Variants in NPSR1 observed in about 807,000 individuals in gnomAD.
NPSR1 encodes neuropeptide S receptor.
In NPSR1, 48 loss-of-function variants were observed where a neutral mutation model predicts 46.9. That is an observed-to-expected ratio of 1.02 (90% confidence interval 0.81 to 1.30). The LOEUF (loss-of-function observed/expected upper bound fraction) is 1.30. Among genes scored for constraint, NPSR1 ranks in the 50% most tolerant of loss-of-function variants. The probability of loss-of-function intolerance (pLI) is 0.00; values close to 1 mark genes in which losing one functional copy is unlikely to be tolerated. For synonymous variants in NPSR1, 176 were observed against 168.1 expected (o/e 1.05, Z -0.36); for missense variants, 450 against 449.5 (o/e 1.00, Z -0.01).
intron 8 of NPSR1, among the ~76,000 whole-genome samples, chr7:34,861,140 G>C (rs901839209): frequency 6.6e-6 from 1 of 151,940 alleles, no homozygotes; most frequent in South Asian, 2.1e-4. Flanking sequence ...GGAGGCAAAA[G>C]CCCAATGCCC....
chr7:34,738,894 G>A (rs1303545955), intron 2 of NPSR1, among the ~76,000 whole-genome samples: 1 of 152,072 alleles, frequency 6.6e-6, no homozygotes, highest in Non-Finnish European at 1.5e-5. Context: ...CCATTAAACA[G>A]TCACTTCCCC....
chr7:34,687,461 C>T (rs774494939), intron 2 of NPSR1, among the ~76,000 whole-genome samples: 2 of 152,114 alleles, frequency 1.3e-5, no homozygotes, highest in African/African-American at 2.4e-5. Flanking sequence ...CTTATTAATA[C>T]AATCATGGCA....
Position 34,695,360 on chromosome 7 carries a change from G to A in NPSR1, c.280+10676G>A, listed in dbSNP as rs545917068. Among the ~76,000 whole-genome samples the A allele has an allele frequency of 5.9e-5, 9 of 151,948 alleles. No homozygotes were observed. In the East Asian group the frequency reaches 1.7e-3, roughly 29 times the overall value. On this transcript the variant is annotated intron_variant, in intron 2 of 8. Coordinates refer to ENST00000360581, the MANE Select transcript of NPSR1 (RefSeq NM_207172.2). ...TAAGATCTGAAACTAAAAATCTTAG[G>A]GAAAAAAACCTGGGAAAACTCTACT...
chr7:34,733,417 T>C (rs991955919), intron 2 of NPSR1, among the ~76,000 whole-genome samples: 14 of 106,620 alleles, frequency 1.3e-4, no homozygotes, highest in African/African-American at 4.4e-4. Context: ...AGATTTTGTC[T>C]TAAAAAAAAA....
chr7:34,790,937 T>TTA (rs1554330813), intron 3 of NPSR1, among the ~76,000 whole-genome samples: 2 of 130,764 alleles, frequency 1.5e-5, no homozygotes, highest in African/African-American at 2.9e-5. Context: ...ATATGTTATA[T>TTA]TATATATCAT....
chr7:34,698,260 C>T (rs1424336690), intron 2 of NPSR1, among the ~76,000 whole-genome samples: 2 of 152,124 alleles, frequency 1.3e-5, no homozygotes, highest in Non-Finnish European at 2.9e-5. Context: ...GCGTGTTCCT[C>T]TTGTAATAAT....
chr7:34,721,751 T>A (rs1205526506), intron 2 of NPSR1, among the ~76,000 whole-genome samples: 1 of 152,200 alleles, frequency 6.6e-6, no homozygotes, highest in African/African-American at 2.4e-5. Flanking sequence ...TGCCGCCGAA[T>A]TTATGTATGA....
chr7:34,790,717 A>ATATGT (rs1562729199), intron 3 of NPSR1, among the ~76,000 whole-genome samples: 12 of 127,892 alleles, frequency 9.4e-5, no homozygotes, highest in African/African-American at 2.3e-4. Flanking sequence ...GTTATATATA[A>ATATGT]TATATGTTAT....
intron 8 of NPSR1, among the ~76,000 whole-genome samples, chr7:34,865,665 C>G (rs574103654): frequency 1.8e-4 from 28 of 151,828 alleles, no homozygotes; most frequent in South Asian, 6.2e-4. Context: ...GACACACCCC[C>G]CTTAGCATCC....
At chr7:34,841,465 G>A (rs1023770699) in intron 6 of NPSR1, among the ~76,000 whole-genome samples, 9 of 152,318 alleles carry the variant, frequency 5.9e-5, no homozygotes, top group East Asian at 1.9e-4. Context: ...GTCCCAAATC[G>A]AATGGACGTG....
At chr7:34,827,856 A>G (rs186720081) in intron 5 of NPSR1, among the ~76,000 whole-genome samples, 24 of 152,342 alleles carry the variant, frequency 1.6e-4, no homozygotes, top group African/African-American at 4.8e-4. Flanking sequence ...CAATTATCAC[A>G]TTAGCCACAG....
At chr7:34,858,136 T>G (rs1791091725) in intron 8 of NPSR1, among the ~76,000 whole-genome samples, 1 of 151,822 alleles carries the variant, frequency 6.6e-6, no homozygotes, top group African/African-American at 2.4e-5. Context: ...TGCCTTAAAC[T>G]AGTAAAACTA....
At chr7:34,665,360 G>T (rs1360683571) in intron 1 of NPSR1, among the ~76,000 whole-genome samples, 1 of 152,174 alleles carries the variant, frequency 6.6e-6, no homozygotes, top group Non-Finnish European at 1.5e-5. Flanking sequence ...GACTTTGACT[G>T]AATTCCATTG....
intron 3 of NPSR1, among the ~76,000 whole-genome samples, chr7:34,786,851 A>C (rs942925140): frequency 2.0e-5 from 3 of 152,138 alleles, no homozygotes; most frequent in African/African-American, 7.2e-5. Flanking sequence ...TCAGTAAACC[A>C]TGCTGTGAAC....
chr7:34,784,991 G>C (rs2128740137), intron 3 of NPSR1, among the ~76,000 whole-genome samples: 1 of 152,138 alleles, frequency 6.6e-6, no homozygotes, highest in African/African-American at 2.4e-5. Flanking sequence ...CAGGGATCTA[G>C]AACTAGAAAT....
intron 4 of NPSR1, among the ~76,000 whole-genome samples, chr7:34,825,746 G>C (rs1789800463): frequency 1.3e-5 from 2 of 152,248 alleles, no homozygotes; most frequent in South Asian, 2.1e-4. Context: ...CAGGCACAGA[G>C]AGCACAAAGC....
intron 2 of NPSR1, among the ~76,000 whole-genome samples, chr7:34,703,077 C>T (rs1793916024): frequency 6.6e-6 from 1 of 152,166 alleles, no homozygotes; most frequent in African/African-American, 2.4e-5. Flanking sequence ...TCAAAAGGAG[C>T]GGCCAGGCGC....
intron 1 of NPSR1, among the ~76,000 whole-genome samples, chr7:34,671,488 C>T (rs572734530): frequency 1.3e-5 from 2 of 152,226 alleles, no homozygotes; most frequent in South Asian, 4.1e-4. Flanking sequence ...GAAATGAACC[C>T]AAGCAAGCGA....
intron 2 of NPSR1, among the ~76,000 whole-genome samples, chr7:34,708,754 G>C (rs1454638849): frequency 2.0e-5 from 3 of 152,192 alleles, no homozygotes. Context: ...GAGAAAAGTA[G>C]TAGTTATGAA....
Sources: allele counts gnomAD v4.1 joint callset (sites outside exome capture counted in the v4.1 genomes callset), GRCh38; gene constraint gnomAD v4.1.1; transcripts MANE v1.5; gene names NCBI Gene and HGNC (gene_info 2026-07-23, HGNC 2026-07-21).